Variants in DNAH14 observed in about 807,000 individuals in gnomAD.
DNAH14 encodes the protein axonemal beta dynein heavy chain 14.
Under a neutral mutation model 520.9 loss-of-function variants are expected in DNAH14, and 478 were observed. That is an observed-to-expected ratio of 0.92 (90% confidence interval 0.85 to 0.99). The LOEUF is 0.99. Ranked by LOEUF, DNAH14 falls within the 50% of genes least tolerant of loss-of-function variation. The pLI is 0.00. For missense variants in DNAH14, 4,831 were observed against 5,234.5 expected, an observed-to-expected ratio of 0.92 and a Z score of 2.38; for synonymous variants, 1,581 against 1,757.2, an observed-to-expected ratio of 0.90 and a Z score of 2.51.
chr1:225,005,887 C>T (rs1417675778), intron 9 of DNAH14, among the ~76,000 whole-genome samples: 1 of 151,960 alleles, frequency 6.6e-6, no homozygotes, highest in East Asian at 1.9e-4. Context: ...GAGATTTCTT[C>T]CTTATAGATT....
At chr1:225,259,507 G>A (rs985220334) in intron 46 of DNAH14, among the ~76,000 whole-genome samples, 1 of 151,940 alleles carries the variant, frequency 6.6e-6, no homozygotes, top group Non-Finnish European at 1.5e-5. Context: ...TATACATATT[G>A]AGGAATGATT....
At chr1:225,214,225 T>C (rs968989716) in intron 41 of DNAH14, among the ~76,000 whole-genome samples, 2 of 152,212 alleles carry the variant, frequency 1.3e-5, no homozygotes, top group African/African-American at 4.8e-5. Flanking sequence ...GATTTGCATA[T>C]GTTGAACCAG....
chr1:225,034,354 A>G (rs546651639), intron 11 of DNAH14, among the ~76,000 whole-genome samples: 2 of 152,278 alleles, frequency 1.3e-5, no homozygotes, highest in African/African-American at 2.4e-5. Context: ...TATGTGATGA[A>G]TCACATTTAT....
chr1:225,277,586 T>A (rs907243771), intron 54 of DNAH14, 84 bp downstream of exon 54: 1 of 437,914 alleles, frequency 2.3e-6, no homozygotes, highest in African/African-American at 2.0e-5. Context: ...ACAGAAGTTT[T>A]ATTTAGCCAC....
At position 225,156,001 on chromosome 1, in the gene DNAH14, A is replaced by C. The variant is rs564433021; in HGVS notation, c.5273+2175A>C. Among the ~76,000 whole-genome samples, 163 of 152,148 alleles carry C rather than the reference A, an allele frequency of 1.1e-3. 1 individual carries two copies. Among genetic ancestry groups the C allele is most frequent in the African/African-American group, 3.7e-3 (154 of 41,510 alleles). On this transcript the variant is annotated intron_variant, in intron 34 of 85. Coordinates refer to ENST00000682510, the MANE Select transcript of DNAH14 (RefSeq NM_001367479.1). ...TGACCTTCGTGACACCAAAATAATA[A>C]TTATTGTTCTTTCCTGTTTCCTCTT...
chr1:225,337,333 A>G lies in DNAH14; in HGVS notation c.10148A>G (p.Lys3383Arg). 6.4e-7 allele frequency: 1 copy of G among 1,551,816 alleles called. No homozygotes were observed. Among genetic ancestry groups the G allele is most frequent in the East Asian group, 2.4e-5 (1 of 40,924 alleles). Residue 3383 changes from lysine to arginine, a missense_variant, in exon 67 of 86, where the codon AAG (lysine) becomes AGG (arginine). Lys to Arg is a conservative substitution (Grantham distance 26, BLOSUM62 2). Coordinates refer to ENST00000682510, the MANE Select transcript of DNAH14 (RefSeq NM_001367479.1). ...TCAGTAGAGAATGCCATCTTGATCA[A>G]GAATGGCCAGCAGTGGCCACTGCTG... ...QYSVENAILI[K>R]NGQQWPLLID...
chr1:225,281,672 A>G (rs2149921978), intron 54 of DNAH14, among the ~76,000 whole-genome samples: 1 of 152,304 alleles, frequency 6.6e-6, no homozygotes, highest in South Asian at 2.1e-4. Flanking sequence ...TGTCAGGCTT[A>G]TAATATATAA....
intron 41 of DNAH14, among the ~76,000 whole-genome samples, chr1:225,228,607 TG>T (rs34936665): frequency 4.0e-5 from 6 of 151,390 alleles, no homozygotes; most frequent in East Asian, 3.9e-4. Flanking sequence ...CCCCCACTCC[TG>T]GGGGGGGTCA....
chr1:225,121,690 AT>A (rs1315595658), intron 26 of DNAH14, among the ~76,000 whole-genome samples: 1 of 152,016 alleles, frequency 6.6e-6, no homozygotes, highest in African/African-American at 2.4e-5. Flanking sequence ...AAAATACAAA[AT>A]TTAGCCAGGC....
chr1:225,271,798 A>G lies in DNAH14; in HGVS notation c.7672-108A>G, dbSNP rs143934909. On this transcript the variant is annotated intron_variant, in intron 50 of 85. Coordinates refer to ENST00000682510, the MANE Select transcript of DNAH14 (RefSeq NM_001367479.1). ...GATTTTAATTTTAACATTTAATGAA[A>G]TTAATCCTCCATTATAGTACACAAG... The G allele has an allele frequency of 4.1e-3, 3,392 of 829,460 alleles. 76 individuals carry two copies. The East Asian group carries it at 0.047, about 12-fold the overall frequency. 51.4% of individuals were successfully genotyped at this position (829,460 alleles called of 1,614,324 possible).
intron 41 of DNAH14, among the ~76,000 whole-genome samples, chr1:225,210,021 C>T (rs1437127033): frequency 1.3e-5 from 2 of 152,126 alleles, no homozygotes; most frequent in South Asian, 2.1e-4. Context: ...AGGAGATTCC[C>T]TTGGGTGCCT....
At chr1:225,163,943 G>A (rs1037780169) in intron 35 of DNAH14, among the ~76,000 whole-genome samples, 1 of 151,990 alleles carries the variant, frequency 6.6e-6, no homozygotes, top group African/African-American at 2.4e-5. Flanking sequence ...ATGTATCAGG[G>A]TTTCCTATAT....
At position 224,978,734 on chromosome 1, in the gene DNAH14, G is replaced by T. The variant is rs571659174; in HGVS notation, c.830+4581G>T. Among the ~76,000 whole-genome samples, 7 of 152,270 alleles carry T rather than the reference G, an allele frequency of 4.6e-5. No individual in the cohort carries two copies. The South Asian group carries it at 1.5e-3, about 32-fold the overall frequency. ...GCTCACTACAGCCTCAAACTCCTGG[G>T]CTGAAGCAGTTCTCCCACCTCAGCC... On this transcript the variant is annotated intron_variant, in intron 8 of 85. Transcript: ENST00000682510.
At chr1:224,936,873 A>T (rs1484723902) in intron 1 of DNAH14, among the ~76,000 whole-genome samples, 2 of 151,984 alleles carry the variant, frequency 1.3e-5, no homozygotes, top group Admixed American at 1.3e-4. Context: ...ATTCTCCATG[A>T]TCAATTGAGA....
intron 8 of DNAH14, among the ~76,000 whole-genome samples, chr1:224,988,507 T>C (rs1393915013): frequency 6.6e-6 from 1 of 152,200 alleles, no homozygotes; most frequent in East Asian, 1.9e-4. Flanking sequence ...AGAACACTTT[T>C]ATACTGTTGG....
intron 43 of DNAH14, among the ~76,000 whole-genome samples, chr1:225,250,233 A>G (rs538793016): frequency 2.0e-5 from 3 of 152,188 alleles, no homozygotes; most frequent in Non-Finnish European, 2.9e-5. Flanking sequence ...ATCCTCCCCA[A>G]TATTTGGAGG....
intron 17 of DNAH14, among the ~76,000 whole-genome samples, chr1:225,058,562 C>T (rs904226987): frequency 1.3e-5 from 2 of 152,134 alleles, no homozygotes; most frequent in Non-Finnish European, 2.9e-5. Flanking sequence ...TTATTTCTTG[C>T]CTTCTGAAAG....
intron 38 of DNAH14, among the ~76,000 whole-genome samples, chr1:225,193,804 T>C (rs1239022886): frequency 6.6e-6 from 1 of 151,952 alleles, no homozygotes; most frequent in East Asian, 1.9e-4. Context: ...GAAAACCCCA[T>C]AGTCTCTGCC....
chr1:225,014,365 T>C (rs2065044588), intron 10 of DNAH14, among the ~76,000 whole-genome samples: 1 of 151,786 alleles, frequency 6.6e-6, no homozygotes, highest in Non-Finnish European at 1.5e-5. Context: ...TGTGTTGGTC[T>C]TGCTGGGAGC....
Sources: gnomAD v4.1 joint callset for allele counts (sites outside exome capture counted in the v4.1 genomes callset) on GRCh38, gnomAD v4.1.1 for gene constraint, MANE v1.5 for transcripts, NCBI Gene and HGNC (gene_info 2026-07-23, HGNC 2026-07-21) for gene names.